CYRIB: variants seen among roughly 807,000 people sequenced by gnomAD.
CYRIB encodes the protein CYFIP-related Rac1 interactor B.
Under a neutral mutation model 44.2 loss-of-function variants are expected in CYRIB, and 8 were observed. That is an observed-to-expected ratio of 0.18 (90% CI 0.11 to 0.33). CYRIB has a LOEUF of 0.33. Among genes scored for constraint, CYRIB ranks in the 10% least tolerant of loss-of-function variants. CYRIB has a pLI of 1.00. For missense variants in CYRIB, 185 were observed against 382.8 expected, an observed-to-expected ratio of 0.48 and a Z score of 4.31; for synonymous variants, 131 against 127.2, an observed-to-expected ratio of 1.03 and a Z score of -0.20.
intron 1 of CYRIB, among the ~76,000 whole-genome samples, chr8:129,981,280 C>T (rs2096229497): frequency 6.6e-6 from 1 of 152,178 alleles, no homozygotes; most frequent in African/African-American, 2.4e-5. Context: ...GCTGGAACTA[C>T]AGGCACATGC....
rs1457853721 is a variant in CYRIB, at chr8:130,006,676, A to G, written c.-296+9694T>C. On this transcript the variant is annotated intron_variant, in intron 1 of 14. Transcript: ENST00000401979. ...CATATATATATGTATATATATATGTATATATATACACACATATATCTGGAA... is the reference window on the plus strand; with the variant it reads ...CATATATATATGTATATATATATGTGTATATATACACACATATATCTGGAA... Among the ~76,000 whole-genome samples the G allele has an allele frequency of 3.7e-5, 5 of 136,448 alleles. 1 individual carries two copies. Among genetic ancestry groups the G allele is most frequent in the African/African-American group, 1.1e-4 (4 of 36,178 alleles). The allele number at this position is 136,448 out of a possible 152,430, so 89.5% of individuals were successfully genotyped here. A position where few individuals can be genotyped will look rare whatever the true frequency, so the allele number is the denominator to read the frequency against.
At chr8:129,915,416 A>G (rs1248736694) in intron 1 of CYRIB, among the ~76,000 whole-genome samples, 2 of 152,218 alleles carry the variant, frequency 1.3e-5, no homozygotes, top group Non-Finnish European at 2.9e-5. Context: ...GTCCTCATAT[A>G]TAAGATTCTA....
chr8:129,934,968 G>A (rs1789136432), intron 1 of CYRIB, among the ~76,000 whole-genome samples: 1 of 152,166 alleles, frequency 6.6e-6, no homozygotes, highest in African/African-American at 2.4e-5. Flanking sequence ...AGGCATATAA[G>A]CTCTGGAAAA....
intron 2 of CYRIB, among the ~76,000 whole-genome samples, chr8:129,897,626 T>G (rs920840375): frequency 2.7e-5 from 4 of 149,448 alleles, no homozygotes; most frequent in African/African-American, 9.9e-5. Flanking sequence ...CTGAGTAGAG[T>G]TTATAAGTGA....
At chr8:130,003,478 C>T (rs1395183713) in intron 1 of CYRIB, among the ~76,000 whole-genome samples, 1 of 152,190 alleles carries the variant, frequency 6.6e-6, no homozygotes, top group Admixed American at 6.5e-5. Context: ...GTCAGGGACA[C>T]CTGTTGGGTT....
At chr8:129,980,458 C>T (rs148369414) in intron 1 of CYRIB, among the ~76,000 whole-genome samples, 33 of 152,216 alleles carry the variant, frequency 2.2e-4, no homozygotes, top group Non-Finnish European at 1.8e-4. Context: ...TATTTTAATA[C>T]GCAGTCTTGT....
chr8:129,958,799 C>T (rs1363918297), intron 2 of CYRIB, among the ~76,000 whole-genome samples: 1 of 151,158 alleles, frequency 6.6e-6, no homozygotes, highest in Non-Finnish European at 1.5e-5. Flanking sequence ...GGAGCAGTGG[C>T]TCACGCCTGT....
intron 1 of CYRIB, among the ~76,000 whole-genome samples, chr8:130,014,689 T>G (rs1286160481): frequency 6.6e-6 from 1 of 152,222 alleles, no homozygotes; most frequent in Non-Finnish European, 1.5e-5. Context: ...GGCCTTTATC[T>G]GAAAACCATT....
At chr8:130,005,740 G>A (rs1398329744) in intron 1 of CYRIB, among the ~76,000 whole-genome samples, 1 of 151,718 alleles carries the variant, frequency 6.6e-6, no homozygotes, top group African/African-American at 2.4e-5. Context: ...CACTTTGAGA[G>A]GCTGAGGCAG....
At chr8:129,867,088 A>C (rs1264818771) in intron 4 of CYRIB, among the ~76,000 whole-genome samples, 2 of 152,220 alleles carry the variant, frequency 1.3e-5, no homozygotes, top group Admixed American at 1.3e-4. Flanking sequence ...CAGGAGTTCA[A>C]GACCAGTCTC....
chr8:129,930,044 C>G (rs1393046513), intron 1 of CYRIB, among the ~76,000 whole-genome samples: 1 of 151,946 alleles, frequency 6.6e-6, no homozygotes, highest in Non-Finnish European at 1.5e-5. Flanking sequence ...AACCCCATCT[C>G]TACTAAAAAT....
intron 2 of CYRIB, among the ~76,000 whole-genome samples, chr8:129,967,578 A>T (rs1489356390): frequency 6.6e-6 from 1 of 151,266 alleles, no homozygotes; most frequent in Non-Finnish European, 1.5e-5. Flanking sequence ...ACGGGGTTTC[A>T]CCCTGTTAGC....
chr8:129,864,430 CAAGTA>C, intron 4 of CYRIB: 1 of 154,304 alleles, frequency 6.5e-6, no homozygotes, highest in African/African-American at 2.4e-5. Context: ...ATTCAGCAGA[CAAGTA>C]AATAAGCCTT....
chr8:129,982,958 C>A (rs1169238700), intron 1 of CYRIB, among the ~76,000 whole-genome samples: 1 of 149,964 alleles, frequency 6.7e-6, no homozygotes, highest in Non-Finnish European at 1.5e-5. Flanking sequence ...AATGTATACA[C>A]TAAATATGTG....
intron 1 of CYRIB, among the ~76,000 whole-genome samples, chr8:129,924,555 T>C (rs2086293290): frequency 6.6e-6 from 1 of 152,214 alleles, no homozygotes; most frequent in African/African-American, 2.4e-5. Flanking sequence ...CAATTTTTTG[T>C]CCACGACTAG....
intron 1 of CYRIB, among the ~76,000 whole-genome samples, chr8:129,991,361 G>A (rs2096629448): frequency 6.6e-6 from 1 of 152,072 alleles, no homozygotes; most frequent in Non-Finnish European, 1.5e-5. Flanking sequence ...TGTATTGAGA[G>A]GCAGGGCTTT....
intron 1 of CYRIB, among the ~76,000 whole-genome samples, chr8:130,005,579 T>C (rs1162200064): frequency 6.6e-6 from 1 of 152,154 alleles, no homozygotes; most frequent in Non-Finnish European, 1.5e-5. Flanking sequence ...AGCGAGATTC[T>C]AACAAGAGGT....
intron 1 of CYRIB, among the ~76,000 whole-genome samples, chr8:129,931,672 G>A (rs942034461): frequency 6.6e-6 from 1 of 152,088 alleles, no homozygotes; most frequent in Non-Finnish European, 1.5e-5. Flanking sequence ...TGTCACCCAG[G>A]CTAGAATGCA....
rs192400815 is a variant in CYRIB, at chr8:129,856,523, C to G, written c.302-776G>C. On this transcript the variant is annotated intron_variant, in intron 5 of 11. Coordinates refer to ENST00000519824, the Ensembl canonical transcript of CYRIB. ...TTACAGATCACAGAACTGGAAAATG[C>G]TGCTAGATTCTGGTCAGAGAAAATA... is the stretch of plus-strand genomic sequence containing the variant. Among the ~76,000 whole-genome samples the G allele has an allele frequency of 4.6e-4, 70 of 152,174 alleles. No homozygotes were observed. In the South Asian group the frequency reaches 0.01, roughly 22 times the overall value.
Sources: gnomAD v4.1 joint callset for allele counts (sites outside exome capture counted in the v4.1 genomes callset) on GRCh38, gnomAD v4.1.1 for gene constraint, MANE v1.5 for transcripts, NCBI Gene and HGNC (gene_info 2026-07-23, HGNC 2026-07-21) for gene names.